The following PSD2 variants were observed in gnomAD, a reference collection of about 807,000 sequenced individuals.
PSD2 encodes pleckstrin and Sec7 domain containing 2, also known as PH and SEC7 domain-containing protein 2.
Under a neutral mutation model 69.8 loss-of-function variants are expected in PSD2, and 38 were observed. The observed-to-expected ratio is 0.54, with a 90% CI of 0.42 to 0.71. PSD2 has a LOEUF of 0.71. Among genes scored for constraint, PSD2 ranks in the 30% least tolerant of loss-of-function variants. PSD2 has a pLI of 0.00. For missense variants in PSD2, 943 were observed against 1,014.5 expected (o/e 0.93, Z 0.96); for synonymous variants, 412 against 423.0 (o/e 0.97, Z 0.32).
At chr5:139,790,841 C>G (rs915353513), upstream of PSD2, among the ~76,000 whole-genome samples, 16 of 152,108 alleles carry the variant, frequency 1.1e-4, no homozygotes, top group Middle Eastern at 0.01. Context: ...TTGTTCAAGA[C>G]CAGCCTGGCC....
rs756703502 is a variant in PSD2, at chr5:139,828,638, G to A, written c.1270-5064G>A. On this transcript the variant is annotated intron_variant, in intron 7 of 14. Coordinates refer to ENST00000274710, the MANE Select transcript of PSD2 (RefSeq NM_032289.4). The stretch of plus-strand genomic sequence containing the variant: ...TTTGATCAGCCCCTCCCCTCCTCCC[G>A]AAGGATGACGTCTGCTTGGCCTGCC... Among the ~76,000 whole-genome samples the A allele has an allele frequency of 1.5e-3, 222 of 152,274 alleles. 7 individuals carry two copies. The highest frequency in any genetic ancestry group is 1.4e-3 in the Admixed American group (22 of 15,294).
At chr5:139,764,641 G>C in the PSD2 span, among the ~76,000 whole-genome samples, 1 of 152,184 alleles carries the variant, frequency 6.6e-6, no homozygotes, top group Non-Finnish European at 1.5e-5. Context: ...AGGAGGCCGA[G>C]CCTGGCAGCC....
At chr5:139,806,695 G>A (rs1375735413) in intron 1 of PSD2, among the ~76,000 whole-genome samples, 1 of 152,172 alleles carries the variant, frequency 6.6e-6, no homozygotes, top group Non-Finnish European at 1.5e-5. Flanking sequence ...GAGCAATGAT[G>A]AGTCCCAGGA....
At chr5:139,785,824 C>T in the PSD2 span, among the ~76,000 whole-genome samples, 3,117 of 152,260 alleles carry the variant, frequency 0.02, 114 homozygotes, top group African/African-American at 0.071. Flanking sequence ...TGCAGTGGCT[C>T]GCGCCTATAA....
rs767643758 is a variant in PSD2 at position 139,837,632 on chromosome 5, A to G, written c.1673A>G (p.Tyr558Cys). The G allele has an allele frequency of 2.2e-5, 36 of 1,610,372 alleles. No homozygotes were observed. The highest frequency in any genetic ancestry group is 1.9e-4 in the South Asian group (17 of 90,650). The change falls in exon 12 of 15, where the codon TAC (tyrosine) becomes TGC (cysteine). Residue 558 changes from tyrosine to cysteine, a missense_variant. Around this residue, in one of 3 missense-constraint regions of PSD2, gnomAD observed 312 missense variants for 400.7 expected, o/e 0.78. Transcript: ENST00000274710. This position sits in a 1 kb window ranked among gnomAD's most constrained non-coding sequence, Gnocchi z 5.0. ...CCATCCTGCCCCACCCAGGATGAGTACAGGCCTGACAAAGCTCTATCGGAG... is the reference window on the plus strand; with the variant it reads ...CCATCCTGCCCCACCCAGGATGAGTGCAGGCCTGACAAAGCTCTATCGGAG... ...GTILYLQKDE[Y>C]RPDKALSEGD...
At chr5:139,743,478 A>C in the PSD2 span, among the ~76,000 whole-genome samples, 4 of 151,846 alleles carry the variant, frequency 2.6e-5, no homozygotes, top group Admixed American at 6.6e-5. Context: ...TGGTGTGAGG[A>C]GGTGAGAGGC....
At chr5:139,826,977 T>A (rs1223139163) in intron 7 of PSD2, among the ~76,000 whole-genome samples, 1 of 152,180 alleles carries the variant, frequency 6.6e-6, no homozygotes, top group Non-Finnish European at 1.5e-5. Context: ...AGAAAATGGC[T>A]TTCAAATACC....
Position 139,809,411 on chromosome 5 carries a change from C to T in PSD2, c.-30C>T. 2 of 1,599,686 alleles carry T rather than the reference C, an allele frequency of 1.3e-6. No homozygotes were observed. Among genetic ancestry groups the T allele is most frequent in the Admixed American group, 3.5e-5 (2 of 56,834 alleles). ...GCCAGGTCTAGAGGAGTCCCAGGAGCAGCCAGGACAGGCGGAAGCAGTGGC... is the reference window on the plus strand; with the variant it reads ...GCCAGGTCTAGAGGAGTCCCAGGAGTAGCCAGGACAGGCGGAAGCAGTGGC... On this transcript the variant is annotated 5_prime_UTR_variant, in exon 2 of 15. Coordinates refer to ENST00000274710, the MANE Select transcript of PSD2 (RefSeq NM_032289.4).
At chr5:139,758,018 G>A in the PSD2 span, among the ~76,000 whole-genome samples, 126 of 152,302 alleles carry the variant, frequency 8.3e-4, no homozygotes, top group Non-Finnish European at 1.2e-3. Context: ...TTGAGCCAGG[G>A]CAAGTGAGTG....
intron 2 of PSD2, among the ~76,000 whole-genome samples, chr5:139,811,730 G>A (rs1481970390): frequency 6.6e-6 from 1 of 152,062 alleles, no homozygotes; most frequent in Non-Finnish European, 1.5e-5. Flanking sequence ...AAGTAGCTGG[G>A]ACTACAGGTG....
At chr5:139,835,815 G>A in intron 9 of PSD2, 49 bp downstream of exon 9, 1 of 1,562,870 alleles carries the variant, frequency 6.4e-7, no homozygotes, top group Non-Finnish European at 8.8e-7. Flanking sequence ...ATCCCTGGGT[G>A]GGGGAGTGTG....
chr5:139,796,366 T>C (rs989934192), intron 1 of PSD2, among the ~76,000 whole-genome samples: 1 of 152,182 alleles, frequency 6.6e-6, no homozygotes, highest in African/African-American at 2.4e-5. Flanking sequence ...GGGGTGCCAG[T>C]GGCAGCCTGG....
the PSD2 span, among the ~76,000 whole-genome samples, chr5:139,748,800 C>A: frequency 6.6e-6 from 1 of 152,176 alleles, no homozygotes; most frequent in Non-Finnish European, 1.5e-5. Context: ...CCGAGTAAAT[C>A]ACCGCGATGA....
chr5:139,776,128 C>A, the PSD2 span, among the ~76,000 whole-genome samples: 1 of 152,236 alleles, frequency 6.6e-6, no homozygotes, highest in Non-Finnish European at 1.5e-5. Context: ...GGATAACATC[C>A]AGTCTCCTTC....
At chr5:139,764,193 C>T in the PSD2 span, among the ~76,000 whole-genome samples, 3 of 152,150 alleles carry the variant, frequency 2.0e-5, no homozygotes, top group African/African-American at 7.2e-5. Context: ...TGTCTGCCTC[C>T]CCTGCGGGCT....
Position 139,813,523 on chromosome 5 carries a change from G to C in PSD2, c.586G>C (p.Ala196Pro). ...GGCCCGTGACAGCCCTGAGCCAGGGGCTGGGTTGGGCATTGGGGACATGGC... is the reference window on the plus strand; with the variant it reads ...GGCCCGTGACAGCCCTGAGCCAGGGCCTGGGTTGGGCATTGGGGACATGGC... The part of the protein sequence containing the change: ...QRARDSPEPG[A>P]GLGIGDMAFE... The change falls in exon 3 of 15, where the codon GCT becomes CCT. Residue 196 changes from alanine (A) to proline (P), a missense_variant. Physicochemically the swap from Ala to Pro is conservative, Grantham distance 27. Coordinates refer to ENST00000274710, the MANE Select transcript of PSD2 (RefSeq NM_032289.4). 6.2e-7 allele frequency: 1 copy of C among 1,610,864 alleles called. No individual in the cohort carries two copies. The highest frequency in any genetic ancestry group is 1.7e-4 in the Middle Eastern group (1 of 6,050).
At chr5:139,781,224 A>G in the PSD2 span, among the ~76,000 whole-genome samples, 12 of 152,270 alleles carry the variant, frequency 7.9e-5, no homozygotes, top group Admixed American at 7.2e-4. Context: ...GCCTTATTCT[A>G]TTTGTCCAGA....
the PSD2 span, among the ~76,000 whole-genome samples, chr5:139,755,578 T>C: frequency 6.6e-6 from 1 of 152,158 alleles, no homozygotes; most frequent in South Asian, 2.1e-4. Flanking sequence ...ATCTTTGATA[T>C]GTCTGTGTCT....
chr5:139,743,182 T>TG, the PSD2 span, among the ~76,000 whole-genome samples: 1 of 152,164 alleles, frequency 6.6e-6, no homozygotes, highest in Admixed American at 6.5e-5. Context: ...CTTGGATCTG[T>TG]GGCCAGGTGG....
Sources: allele counts gnomAD v4.1 joint callset (sites outside exome capture counted in the v4.1 genomes callset), GRCh38; gene constraint gnomAD v4.1.1; regional missense constraint gnomAD v4.1.1; non-coding constraint Gnocchi (gnomAD v3.1); transcripts MANE v1.5; gene names NCBI Gene and HGNC (gene_info 2026-07-23, HGNC 2026-07-21).